The following HIVEP1 variants were observed in gnomAD, a reference collection of about 807,000 sequenced individuals.
HIVEP1 encodes zinc finger protein 40.
Under a neutral mutation model 180.0 loss-of-function variants are expected in HIVEP1, and 36 were observed. That is an observed-to-expected ratio of 0.20 (90% confidence interval 0.15 to 0.26). HIVEP1 has a LOEUF of 0.26. HIVEP1 is among the 10% of genes least tolerant of loss of function. The pLI is 1.00. For missense variants in HIVEP1, 3,143 were observed against 3,268.7 expected (o/e 0.96, Z 0.94); for synonymous variants, 1,239 against 1,239.0 (o/e 1.00, Z 0.00).
Position 12,120,704 on chromosome 6 carries a change from G to A in HIVEP1, c.909G>A (p.Gly303=), listed in dbSNP as rs372451211. Residue 303 remains glycine, a synonymous_variant, in exon 4 of 9, where the codon GGG becomes GGA. Coordinates refer to ENST00000379388, the MANE Select transcript of HIVEP1 (RefSeq NM_002114.4). ...ACCAACATAATCAACAGCTTCCGGG[G>A]TGTTCAGGTTTCACAGGATCACTGA... ...KSNQHNQQLP[G]CSGFTGSLTN... is the part of the protein sequence containing the mutation. The A allele has an allele frequency of 6.2e-7, 1 of 1,614,192 alleles. No homozygotes were observed. The highest frequency in any genetic ancestry group is 2.2e-5 in the East Asian group (1 of 44,886).
intron 7 of HIVEP1, among the ~76,000 whole-genome samples, chr6:12,146,312 G>A (rs1474485915): frequency 6.6e-6 from 1 of 152,046 alleles, no homozygotes; most frequent in Non-Finnish European, 1.5e-5. Flanking sequence ...GCATGATGGC[G>A]CATGCCTGTA....
chr6:12,084,762 G>C (rs1461635915), intron 2 of HIVEP1, among the ~76,000 whole-genome samples: 1 of 152,096 alleles, frequency 6.6e-6, no homozygotes, highest in African/African-American at 2.4e-5. Flanking sequence ...TTACCAATGT[G>C]AGTTTTGAAG....
intron 2 of HIVEP1, among the ~76,000 whole-genome samples, chr6:12,078,388 G>A (rs1369641876): frequency 6.6e-6 from 1 of 151,908 alleles, no homozygotes. Flanking sequence ...AATGTGTCTT[G>A]TTCCAACAGA....
At chr6:12,093,737 GT>G (rs958488207) in intron 3 of HIVEP1, among the ~76,000 whole-genome samples, 98 of 151,738 alleles carry the variant, frequency 6.5e-4, no homozygotes, top group African/African-American at 2.3e-3. Context: ...CTGTGAATTT[GT>G]TTACCCATAT....
intron 7 of HIVEP1, among the ~76,000 whole-genome samples, chr6:12,138,898 C>T (rs1561991374): frequency 1.3e-5 from 2 of 151,856 alleles, no homozygotes; most frequent in African/African-American, 4.8e-5. Context: ...GCCCATCTTT[C>T]TCACGTGTTG....
chr6:12,199,151 G>A, the HIVEP1 span, among the ~76,000 whole-genome samples: 2 of 152,116 alleles, frequency 1.3e-5, no homozygotes, highest in African/African-American at 2.4e-5. Flanking sequence ...TTGCTTATTT[G>A]TTCATGGCAT....
At chr6:12,071,878 A>G (rs904217556) in intron 2 of HIVEP1, among the ~76,000 whole-genome samples, 1 of 152,214 alleles carries the variant, frequency 6.6e-6, no homozygotes, top group African/African-American at 2.4e-5. Context: ...TTATACATAT[A>G]CTGTAAATGC....
intron 7 of HIVEP1, among the ~76,000 whole-genome samples, chr6:12,141,051 G>A (rs13202558): frequency 0.053 from 7,995 of 152,130 alleles, 293 homozygotes; most frequent in Non-Finnish European, 0.081. Context: ...AAGAGCAACC[G>A]CAAGACACAT....
the HIVEP1 span, among the ~76,000 whole-genome samples, chr6:12,198,786 C>A: frequency 7.9e-5 from 12 of 152,192 alleles, no homozygotes; most frequent in Non-Finnish European, 1.5e-4. Context: ...GCTTCTGGGG[C>A]AATCTGCTTT....
intron 3 of HIVEP1, among the ~76,000 whole-genome samples, chr6:12,103,255 T>C (rs1774217218): frequency 6.6e-6 from 1 of 152,010 alleles, no homozygotes; most frequent in Admixed American, 6.6e-5. Context: ...ATTGAAGTTC[T>C]GGGCACAATG....
At chr6:12,099,367 C>G (rs998112387) in intron 3 of HIVEP1, among the ~76,000 whole-genome samples, 1 of 151,810 alleles carries the variant, frequency 6.6e-6, no homozygotes, top group Non-Finnish European at 1.5e-5. Context: ...GGGGTTTCAC[C>G]GTTTTAGCCG....
Position 12,123,068 on chromosome 6 carries a change from C to A in HIVEP1, c.3273C>A (p.Ser1091=), listed in dbSNP as rs752376111. The part of the protein sequence containing the change: ...QQHKNIQLQN[S]HIHLVARGPE... ...ATAAAAATATACAGTTGCAAAACTC[C>A]CATATTCACCTTGTTGCCAGGGGCC... The change falls in exon 4 of 9, where the codon TCC becomes TCA. Residue 1091 remains serine (S), a synonymous_variant. Coordinates refer to ENST00000379388, the MANE Select transcript of HIVEP1 (RefSeq NM_002114.4). 1 of 1,614,138 alleles carries A rather than the reference C, an allele frequency of 6.2e-7. No homozygotes were observed. Among genetic ancestry groups the A allele is most frequent in the South Asian group, 1.1e-5 (1 of 91,072 alleles).
intron 1 of HIVEP1, among the ~76,000 whole-genome samples, chr6:12,014,362 GTTAC>G (rs1767602257): frequency 6.6e-6 from 1 of 152,184 alleles, no homozygotes; most frequent in Non-Finnish European, 1.5e-5. Context: ...TCTTGGACAA[GTTAC>G]TTATCCAATT....
At chr6:12,168,198 A>ATATACAT (rs1554161518), downstream of HIVEP1, among the ~76,000 whole-genome samples, 1 of 94,792 alleles carries the variant, frequency 1.1e-5, no homozygotes, top group African/African-American at 4.0e-5. Flanking sequence ...ATACGTGTAT[A>ATATACAT]TATACATATA....
intron 2 of HIVEP1, 77 bp downstream of exon 2, chr6:12,015,745 C>T: frequency 1.5e-6 from 2 of 1,354,178 alleles, no homozygotes; most frequent in South Asian, 1.2e-5. Flanking sequence ...ACAGGAATGG[C>T]CGTTTGTTAG....
At chr6:12,211,669 G>A in the HIVEP1 span, among the ~76,000 whole-genome samples, 38,349 of 151,700 alleles carry the variant, frequency 0.25, 4,849 homozygotes, top group East Asian at 0.33. Context: ...TGTAATGCAG[G>A]AAAGAGCAAA....
At chr6:12,167,062 C>T (rs1208882322), downstream of HIVEP1, among the ~76,000 whole-genome samples, 1 of 152,004 alleles carries the variant, frequency 6.6e-6, no homozygotes, top group Non-Finnish European at 1.5e-5. Flanking sequence ...ATAATTATTT[C>T]TTTCGAAATG....
intron 3 of HIVEP1, among the ~76,000 whole-genome samples, chr6:12,096,639 A>T (rs116548726): frequency 0.011 from 1,599 of 152,038 alleles, 30 homozygotes; most frequent in African/African-American, 0.036. Flanking sequence ...TTAAAAAAAA[A>T]TTTAATTACC....
upstream of HIVEP1, among the ~76,000 whole-genome samples, chr6:12,011,532 C>G (rs1362602652): frequency 1.6e-4 from 24 of 150,620 alleles, no homozygotes; most frequent in Admixed American, 1.6e-3. Context: ...CCAGGCGTCG[C>G]GACCCAGGGC....
Sources: gnomAD v4.1 joint callset for allele counts (sites outside exome capture counted in the v4.1 genomes callset) on GRCh38, gnomAD v4.1.1 for gene constraint, MANE v1.5 for transcripts, NCBI Gene and HGNC (gene_info 2026-07-23, HGNC 2026-07-21) for gene names.